The following DOCK7 variants were observed in gnomAD, a reference collection of about 807,000 sequenced individuals.
DOCK7 encodes dedicator of cytokinesis 7.
In DOCK7, 138 loss-of-function variants were observed where a neutral mutation model predicts 271.0. The ratio of observed to expected loss-of-function variants is 0.51; its 90% CI spans 0.44 to 0.59. DOCK7 has a LOEUF of 0.59. Ranked by LOEUF, DOCK7 falls within the 20% of genes least tolerant of loss-of-function variation. DOCK7 has a pLI of 0.00. For synonymous variants in DOCK7, 823 were observed against 876.1 expected, an observed-to-expected ratio of 0.94 and a Z score of 1.07; for missense variants, 2,066 against 2,592.4, an observed-to-expected ratio of 0.80 and a Z score of 4.41.
At chr1:62,629,471 T>C (rs1654351746) in intron 11 of DOCK7, 1 of 152,152 alleles carries the variant, frequency 6.6e-6, no homozygotes, top group Non-Finnish European at 1.5e-5. Flanking sequence ...TGAAAGAAGC[T>C]AGCCACAAAA....
Position 62,475,825 on chromosome 1 carries a change from G to A in DOCK7, c.5843C>T (p.Thr1948Ile). The change falls in exon 46 of 50, where the codon ACT becomes ATT. Residue 1948 changes from threonine (T) to isoleucine (I), a missense_variant. Coordinates refer to ENST00000635253, the MANE Select transcript of DOCK7 (RefSeq NM_001367561.1). ...TTCCCCATGGGCACGGCCATCTAAA[G>A]TAAAGGGTGTACAGTACATGAATCG... ...LRRFMYCTPF[T>I]LDGRAHGELH... The A allele has an allele frequency of 6.2e-7, 1 of 1,614,074 alleles. No individual in the cohort carries two copies. The highest frequency in any genetic ancestry group is 1.1e-5 in the South Asian group (1 of 91,086).
At chr1:62,498,266 T>A (rs962364294) in intron 37 of DOCK7, among the ~76,000 whole-genome samples, 1 of 152,138 alleles carries the variant, frequency 6.6e-6, no homozygotes. Flanking sequence ...GTCTTTGTGT[T>A]TGCCCATTTC....
At position 62,674,802 on chromosome 1, in the gene DOCK7, C is replaced by T. The variant is rs371935145; in HGVS notation, c.39-11672G>A. ...ATCTCAAACCATGCATAAAAACTAA[C>T]GCAAAATGGAACATAAACCTTAATA... On this transcript the variant is annotated intron_variant, in intron 1 of 49. Coordinates refer to ENST00000635253, the MANE Select transcript of DOCK7 (RefSeq NM_001367561.1). Among the ~76,000 whole-genome samples, 50 of 152,140 alleles carry T rather than the reference C, an allele frequency of 3.3e-4. 1 individual carries two copies. In the South Asian group the frequency reaches 9.1e-3, roughly 28 times the overall value.
intron 34 of DOCK7, among the ~76,000 whole-genome samples, chr1:62,508,407 C>T (rs999125895): frequency 1.3e-5 from 2 of 152,210 alleles, no homozygotes; most frequent in South Asian, 2.1e-4. Flanking sequence ...TGGAAAACAA[C>T]ATTCAAATAT....
At chr1:62,606,923 A>G (rs1384114393) in intron 14 of DOCK7, among the ~76,000 whole-genome samples, 3 of 152,102 alleles carry the variant, frequency 2.0e-5, no homozygotes, top group African/African-American at 7.2e-5. Context: ...ACCAAAAATA[A>G]AAGGCCAGGC....
chr1:62,480,450 T>A (rs1261026599), intron 43 of DOCK7, among the ~76,000 whole-genome samples: 5 of 152,132 alleles, frequency 3.3e-5, no homozygotes, highest in Non-Finnish European at 1.5e-5. Flanking sequence ...AAAAATGTAT[T>A]CAAATAATTA....
At chr1:62,535,764 C>T (rs1645325959) in intron 28 of DOCK7, 132 bp from the exon 29 acceptor site, 1 of 751,314 alleles carries the variant, frequency 1.3e-6, no homozygotes, top group Non-Finnish European at 1.9e-6. Context: ...GAAGACAAAG[C>T]AACTTTTCAG....
intron 7 of DOCK7, among the ~76,000 whole-genome samples, chr1:62,639,893 G>T (rs904824871): frequency 6.6e-6 from 1 of 150,838 alleles, no homozygotes; most frequent in South Asian, 2.1e-4. Context: ...TATATGTAGA[G>T]TTTTTTCTTT....
At position 62,654,075 on chromosome 1, in the gene DOCK7, G is replaced by T. The variant is rs373435369; in HGVS notation, c.229C>A (p.Arg77=). The change falls in exon 3 of 50, where the codon CGG becomes AGG. Residue 77 remains arginine (R), a synonymous_variant. Transcript: ENST00000635253. ...HPLAVDSGPL[R]DLIEFPPDDI... is the part of the protein sequence containing the mutation. Reference sequence around the variant, plus strand: ...TCTGGAGGAAATTCAATCAAATCCCGTAAAGGCCCAGAATCCACAGCCAAA... The same window carrying T: ...TCTGGAGGAAATTCAATCAAATCCCTTAAAGGCCCAGAATCCACAGCCAAA... 4 of 1,613,692 alleles carry T rather than the reference G, an allele frequency of 2.5e-6. No individual in the cohort carries two copies. The highest frequency in any genetic ancestry group is 1.3e-5 in the African/African-American group (1 of 74,854).
intron 31 of DOCK7, among the ~76,000 whole-genome samples, chr1:62,514,173 CAT>C: frequency 6.6e-6 from 1 of 151,798 alleles, no homozygotes; most frequent in East Asian, 1.9e-4. Flanking sequence ...TAATAAAAAA[CAT>C]AAAGATAAAA....
intron 48 of DOCK7, among the ~76,000 whole-genome samples, chr1:62,466,779 G>A (rs1645689493): frequency 6.6e-6 from 1 of 152,056 alleles, no homozygotes; most frequent in Non-Finnish European, 1.5e-5. Context: ...AAATTAGCCA[G>A]GTGTGGTGGT....
chr1:62,613,651 G>GA (rs1456947300), intron 14 of DOCK7, among the ~76,000 whole-genome samples: 2 of 152,050 alleles, frequency 1.3e-5, no homozygotes, highest in African/African-American at 2.4e-5. Context: ...AGGTGTATAG[G>GA]AAATCTGTCA....
intron 12 of DOCK7, among the ~76,000 whole-genome samples, chr1:62,623,033 T>G (rs1653485319): frequency 1.3e-5 from 2 of 152,126 alleles, no homozygotes; most frequent in Non-Finnish European, 2.9e-5. Flanking sequence ...CTTGGCCTCC[T>G]AAAGGGCTGG....
At chr1:62,662,480 G>C (rs1197351834) in intron 2 of DOCK7, among the ~76,000 whole-genome samples, 4 of 152,064 alleles carry the variant, frequency 2.6e-5, no homozygotes, top group Non-Finnish European at 4.4e-5. Context: ...AAAAGTTCTA[G>C]GGCCGGACGC....
chr1:62,559,502 G>C (rs1451323967), intron 19 of DOCK7, among the ~76,000 whole-genome samples: 2 of 151,520 alleles, frequency 1.3e-5, no homozygotes, highest in Non-Finnish European at 2.9e-5. Context: ...TATTGTGGCA[G>C]GCATATTAGT....
At chr1:62,676,664 A>G (rs1660576937) in intron 1 of DOCK7, among the ~76,000 whole-genome samples, 1 of 152,222 alleles carries the variant, frequency 6.6e-6, no homozygotes, top group African/African-American at 2.4e-5. Context: ...GCAGTCACTA[A>G]GAAAATTTTG....
intron 12 of DOCK7, among the ~76,000 whole-genome samples, chr1:62,624,903 C>T (rs907624613): frequency 6.6e-6 from 1 of 151,386 alleles, no homozygotes; most frequent in East Asian, 2.0e-4. Context: ...ACCTGGGAGG[C>T]GGAGGTTGCA....
chr1:62,475,718 G>A lies in DOCK7; in HGVS notation c.5950C>T (p.His1984Tyr). The change falls in exon 46 of 50, where the codon CAT (histidine) becomes TAT (tyrosine). Residue 1984 changes from histidine to tyrosine, a missense_variant. His to Tyr is a moderately conservative substitution (Grantham distance 83). Around this residue, in one of 2 missense-constraint regions of DOCK7, gnomAD observed 652 missense variants for 922.1 expected, o/e 0.71. Transcript: ENST00000635253. ...PYIKTRVNVT[H>Y]KEEIILTPIE... is the part of the protein sequence containing the mutation. ...ATTAATGGACTTACCTCTTCTTTAT[G>A]AGTGACATTGACCCTTGTTTTAATA... 1 of 1,613,684 alleles carries A rather than the reference G, an allele frequency of 6.2e-7. No individual in the cohort carries two copies. Among genetic ancestry groups the A allele is most frequent in the Non-Finnish European group, 8.5e-7 (1 of 1,179,782 alleles).
At chr1:62,647,809 T>A in intron 6 of DOCK7, 33 bp from the exon 7 acceptor site, 1 of 1,431,130 alleles carries the variant, frequency 7.0e-7, no homozygotes, top group African/African-American at 1.4e-5. Flanking sequence ...AAAATGAATA[T>A]GCTTATCATA....
Sources: allele counts gnomAD v4.1 joint callset (sites outside exome capture counted in the v4.1 genomes callset), GRCh38; gene constraint gnomAD v4.1.1; regional missense constraint gnomAD v4.1.1; transcripts MANE v1.5; gene names NCBI Gene and HGNC (gene_info 2026-07-23, HGNC 2026-07-21).